ABCB7: variants seen among roughly 807,000 people sequenced by gnomAD.
ABCB7 encodes the protein iron-sulfur clusters transporter ABCB7, mitochondrial.
In ABCB7, 7 loss-of-function variants were observed where a neutral mutation model predicts 54.4. The observed-to-expected ratio is 0.13, with a 90% CI of 0.07 to 0.24. The LOEUF (loss-of-function observed/expected upper bound fraction) is 0.24. ABCB7 is among the 10% of genes least tolerant of loss of function. The pLI is 1.00. For missense variants in ABCB7, 356 were observed against 570.4 expected, an observed-to-expected ratio of 0.62 and a Z score of 3.83; for synonymous variants, 218 against 207.1, an observed-to-expected ratio of 1.05 and a Z score of -0.45.
At chrX:75,118,638 G>A (rs982413803) in intron 1 of ABCB7, among the ~76,000 whole-genome samples, 1 of 111,309 alleles carries the variant, frequency 9.0e-6, no homozygotes, top group African/African-American at 3.3e-5. Context: ...ACTTTTGGGG[G>A]GGTGACAGAA....
chrX:75,107,311 C>T (rs975282865), intron 3 of ABCB7, among the ~76,000 whole-genome samples: 1 of 111,158 alleles, frequency 9.0e-6, no homozygotes, highest in Non-Finnish European at 1.9e-5. Context: ...GCCCTAGTAC[C>T]GAACTGGGCC....
At position 75,071,585 on chromosome X, in the gene ABCB7, C is replaced by G. The variant is rs749798732; in HGVS notation, c.1131G>C (p.Leu377=). The part of the protein sequence containing the change: ...SLKSTSTLAM[L]NFGQSAIFSV... ...TGAAAATAGCACTTTGACCAAAGTTCAGCATAGCCAGAGTAGAGGTACTTT... is the reference window on the plus strand; with the variant it reads ...TGAAAATAGCACTTTGACCAAAGTTGAGCATAGCCAGAGTAGAGGTACTTT... The change falls in exon 9 of 16, where the codon CTG becomes CTC. Residue 377 remains leucine (L), a synonymous_variant. Transcript: ENST00000373394. The G allele has an allele frequency of 1.7e-6, 2 of 1,210,032 alleles. No homozygotes were observed. The highest frequency in any genetic ancestry group is 2.2e-6 in the Non-Finnish European group (2 of 894,201).
intron 12 of ABCB7, among the ~76,000 whole-genome samples, chrX:75,067,542 T>C (rs765914215): frequency 2.8e-4 from 31 of 110,862 alleles, no homozygotes; most frequent in Non-Finnish European, 5.7e-4. Context: ...TGGAGTGCAA[T>C]GGCGCGATCT....
chrX:75,082,271 C>T (rs999644929), intron 4 of ABCB7, among the ~76,000 whole-genome samples: 5 of 111,786 alleles, frequency 4.5e-5, no homozygotes, highest in African/African-American at 1.6e-4. Context: ...CAGAGGCCAG[C>T]AGTAAGTGGG....
intron 4 of ABCB7, among the ~76,000 whole-genome samples, chrX:75,086,158 T>C (rs974776034): frequency 5.4e-5 from 6 of 111,497 alleles, no homozygotes; most frequent in African/African-American, 2.0e-4. Context: ...CAGGAACTTA[T>C]AAAACATTTT....
At chrX:75,111,165 C>A (rs771604509) in intron 3 of ABCB7, among the ~76,000 whole-genome samples, 5 of 112,135 alleles carry the variant, frequency 4.5e-5, no homozygotes, top group African/African-American at 1.6e-4. Context: ...TTATTTGTCA[C>A]AGTGATAAAA....
At chrX:75,073,987 A>G (rs768533877) in intron 6 of ABCB7, 31 bp from the exon 7 acceptor site, 13 of 1,101,324 alleles carry the variant, frequency 1.2e-5, no homozygotes, top group African/African-American at 1.8e-5. Flanking sequence ...AAGAAACGTG[A>G]AACAGTTATT....
intron 3 of ABCB7, among the ~76,000 whole-genome samples, chrX:75,102,852 C>T (rs2081651478): frequency 9.0e-6 from 1 of 111,521 alleles, no homozygotes. Flanking sequence ...GCCATTATAA[C>T]TGAGGGAAGA....
intron 1 of ABCB7, among the ~76,000 whole-genome samples, chrX:75,134,499 C>G (rs770549711): frequency 6.3e-5 from 7 of 111,933 alleles, no homozygotes; most frequent in African/African-American, 2.3e-4. Context: ...ACAGAACACT[C>G]CATGCAAGAA....
At chrX:75,109,708 T>TA (rs2081741049) in intron 3 of ABCB7, among the ~76,000 whole-genome samples, 1 of 111,641 alleles carries the variant, frequency 9.0e-6, no homozygotes, top group Non-Finnish European at 1.9e-5. Context: ...TGCTGTTTTG[T>TA]AAAAATATGA....
At chrX:75,143,913 T>C (rs1428447976) in intron 1 of ABCB7, among the ~76,000 whole-genome samples, 1 of 110,926 alleles carries the variant, frequency 9.0e-6, no homozygotes, top group African/African-American at 3.3e-5. Context: ...CCAAACCATA[T>C]CAGATGGGTA....
In ABCB7 at chrX:75,115,789, G is replaced by A. The variant is rs187360908; in HGVS notation, c.169-958C>T. On this transcript the variant is annotated intron_variant, in intron 1 of 15. Transcript: ENST00000373394. Reference sequence around the variant, plus strand: ...ATGATGCTGGTTGTGTGTGTGTTGGGGGGGGGGGCACGGGGCAGAATTAGA... The same window carrying A: ...ATGATGCTGGTTGTGTGTGTGTTGGAGGGGGGGGCACGGGGCAGAATTAGA... Among the ~76,000 whole-genome samples, 15 of 107,346 alleles carry A rather than the reference G, an allele frequency of 1.4e-4. 1 individual carries two copies. Among genetic ancestry groups the A allele is most frequent in the Non-Finnish European group, 2.5e-4 (13 of 52,011 alleles). The allele number at this position is 107,346 out of a possible 115,157, so 93.2% of individuals were successfully genotyped here.
At chrX:75,147,842 G>A (rs938382958) in intron 1 of ABCB7, among the ~76,000 whole-genome samples, 5 of 112,705 alleles carry the variant, frequency 4.4e-5, no homozygotes, top group East Asian at 5.6e-4. Context: ...AAGGCCAGGC[G>A]TGGTGGCTCA....
chrX:75,142,318 T>C (rs1013287604), intron 1 of ABCB7, among the ~76,000 whole-genome samples: 1 of 112,333 alleles, frequency 8.9e-6, no homozygotes, highest in Non-Finnish European at 1.9e-5. Flanking sequence ...ATAGTTGTTA[T>C]ACTGTATTGT....
At chrX:75,073,651 G>A in intron 8 of ABCB7, 38 bp downstream of exon 8, 1 of 1,035,370 alleles carries the variant, frequency 9.7e-7, no homozygotes, top group South Asian at 1.9e-5. Context: ...TCTTAGTGCA[G>A]TGTGAAAGGC....
Position 75,094,661 on chromosome X carries a change from A to C in ABCB7, c.453+4281T>G, listed in dbSNP as rs975264072. On this transcript the variant is annotated intron_variant, in intron 4 of 15. Transcript: ENST00000373394. ...CCGGGAGGCGGAGTTTGCAGTGAGC[A>C]GAGATCATGCCACTGCACTCCAGCC... Among the ~76,000 whole-genome samples, 4 of 111,351 alleles carry C rather than the reference A, an allele frequency of 3.6e-5. No individual in the cohort carries two copies. The East Asian group carries it at 1.1e-3, about 32-fold the overall frequency.
chrX:75,069,287 C>T lies in ABCB7; in HGVS notation c.1529+4G>A. 1.7e-6 allele frequency: 2 copies of T among 1,210,087 alleles called. No homozygotes were observed. The highest frequency in any genetic ancestry group is 2.2e-6 in the Non-Finnish European group (2 of 894,528). On this transcript the variant is annotated splice_donor_region_variant and intron_variant, in intron 11 of 15. Coordinates refer to ENST00000373394, the MANE Select transcript of ABCB7 (RefSeq NM_001271696.3). ...AGAATTTTACAAATAACTAAATTAC[C>T]CACCCTGACCCACTACCTCCTACAA... is the stretch of plus-strand genomic sequence containing the variant.
intron 4 of ABCB7, 47 bp downstream of exon 4, chrX:75,098,895 T>C: frequency 8.3e-7 from 1 of 1,206,626 alleles, no homozygotes; most frequent in East Asian, 3.0e-5. Flanking sequence ...AACTAGAAAA[T>C]GTAGTATTTC....
chrX:75,052,936 C>T lies in ABCB7; in HGVS notation c.*434G>A, dbSNP rs1009068829. On this transcript the variant is annotated 3_prime_UTR_variant, in exon 16 of 16. Transcript: ENST00000373394. ...CATTTTCACATCAATTTCAATTGGA[C>T]GAAGGAGGGAGAAGAAACAATGAAC... 31 of 122,060 alleles carry T rather than the reference C, an allele frequency of 2.5e-4. No homozygotes were observed. The highest frequency in any genetic ancestry group is 4.2e-4 in the Non-Finnish European group (25 of 59,958). 10.1% of individuals were successfully genotyped at this position (122,060 alleles called of 1,213,427 possible).
Sources: allele counts gnomAD v4.1 joint callset (sites outside exome capture counted in the v4.1 genomes callset), GRCh38; gene constraint gnomAD v4.1.1; transcripts MANE v1.5; gene names NCBI Gene and HGNC (gene_info 2026-07-23, HGNC 2026-07-21).